SLC44A1: variants seen among roughly 807,000 people sequenced by gnomAD.
SLC44A1 encodes the protein choline transporter-like protein 1.
A neutral mutation model predicts 79.3 loss-of-function variants in SLC44A1; 26 were observed. That is an observed-to-expected ratio of 0.33 (90% CI 0.24 to 0.46). The LOEUF is 0.46. Ranked by LOEUF, SLC44A1 falls within the 20% of genes least tolerant of loss-of-function variation. The pLI is 1.00. For synonymous variants in SLC44A1, 263 were observed against 286.2 expected (o/e 0.92, Z 0.82); for missense variants, 688 against 798.1 (o/e 0.86, Z 1.66).
rs1826887216 is a variant in SLC44A1 at position 105,335,559 on chromosome 9, T to G, written c.270-4T>G. 3 of 1,607,378 alleles carry G rather than the reference T, an allele frequency of 1.9e-6. No homozygotes were observed. The African/African-American group carries it at 4.0e-5, about 22-fold the overall frequency. ...ATATCTCAGTTTTTTTCTCCATGCT[T>G]TAGGTATGTATTCTTTTTGGATCCA... On this transcript the variant is annotated splice_polypyrimidine_tract_variant and splice_region_variant and intron_variant, in intron 3 of 15. Coordinates refer to ENST00000374720, the MANE Select transcript of SLC44A1 (RefSeq NM_080546.5).
intron 13 of SLC44A1, among the ~76,000 whole-genome samples, chr9:105,379,925 A>T (rs1828410023): frequency 6.6e-6 from 1 of 152,224 alleles, no homozygotes; most frequent in Admixed American, 6.5e-5. Flanking sequence ...TTGGGTTAAT[A>T]AAAATTGAGA....
intron 3 of SLC44A1, among the ~76,000 whole-genome samples, chr9:105,324,101 A>G (rs1415213166): frequency 6.6e-6 from 1 of 151,940 alleles, no homozygotes; most frequent in Non-Finnish European, 1.5e-5. Flanking sequence ...TCCCGGATTC[A>G]CGCCATTCTC....
At chr9:105,416,834 T>G (rs16924584) in intron 15 of SLC44A1, among the ~76,000 whole-genome samples, 13,548 of 152,228 alleles carry the variant, frequency 0.089, 1,963 homozygotes, top group African/African-American at 0.31. Context: ...TTGTCCCACT[T>G]GACTATCCAT....
chr9:105,346,070 C>T (rs1440237463), intron 4 of SLC44A1, among the ~76,000 whole-genome samples: 1 of 149,654 alleles, frequency 6.7e-6, no homozygotes, highest in Non-Finnish European at 1.5e-5. Context: ...AAAAGAAAAA[C>T]AGTTGTAAAA....
chr9:105,396,412 C>T lies in SLC44A1; in HGVS notation c.*7356C>T. 1 of 985,366 alleles carries T rather than the reference C, an allele frequency of 1.0e-6. No homozygotes were observed. The highest frequency in any genetic ancestry group is 1.2e-6 in the Non-Finnish European group (1 of 829,912). 61.0% of individuals were successfully genotyped at this position (985,366 alleles called of 1,614,324 possible). A position where few individuals can be genotyped will look rare whatever the true frequency, so the allele number is the denominator to read the frequency against. On this transcript the variant is annotated 3_prime_UTR_variant, in exon 16 of 16. Transcript: ENST00000374720. ...TTCAAAAAACAACCAAAGACAAAAC[C>T]CTATCTTCTGAAGACCAAAGGTCCA...
chr9:105,374,834 G>A, intron 13 of SLC44A1, 99 bp downstream of exon 13: 1 of 889,964 alleles, frequency 1.1e-6, no homozygotes, highest in Middle Eastern at 2.4e-4. Context: ...AAAACTAAAA[G>A]TAATATATAG....
At chr9:105,434,108 C>T (rs1382042052) in intron 15 of SLC44A1, among the ~76,000 whole-genome samples, 1 of 152,014 alleles carries the variant, frequency 6.6e-6, no homozygotes, top group East Asian at 1.9e-4. Context: ...GAGGCCAAGG[C>T]GGACGGAACA....
chr9:105,386,391 A>G (rs1401721574), intron 15 of SLC44A1: 1 of 976,176 alleles, frequency 1.0e-6, no homozygotes, highest in Non-Finnish European at 1.2e-6. Context: ...ATTTTAAACA[A>G]TGTGTCCCCT....
intron 1 of SLC44A1, among the ~76,000 whole-genome samples, chr9:105,246,254 A>G (rs914917988): frequency 2.0e-5 from 3 of 152,168 alleles, no homozygotes; most frequent in Admixed American, 1.3e-4. Flanking sequence ...GTTTTAAATA[A>G]CCTGCATACT....
At chr9:105,296,654 A>T (rs1564421521) in intron 1 of SLC44A1, among the ~76,000 whole-genome samples, 1 of 152,130 alleles carries the variant, frequency 6.6e-6, no homozygotes, top group Non-Finnish European at 1.5e-5. Context: ...AATATCAAAC[A>T]TGTGTCCAAA....
chr9:105,305,843 CTTTTTTTTTTTTTTT>C (rs748755778), intron 2 of SLC44A1, among the ~76,000 whole-genome samples: 2 of 84,972 alleles, frequency 2.4e-5, no homozygotes, highest in African/African-American at 1.3e-4. Flanking sequence ...AAAGTGTGTC[CTTTTTTTTTTTTTTT>C]TTTTTTTTTA....
At chr9:105,328,226 T>A (rs1028251491) in intron 3 of SLC44A1, among the ~76,000 whole-genome samples, 1 of 152,104 alleles carries the variant, frequency 6.6e-6, no homozygotes, top group African/African-American at 2.4e-5. Context: ...ATTCTACTAG[T>A]GGTGGTGGTG....
rs901329156 is a variant in SLC44A1 at position 105,341,360 on chromosome 9, A to AAAT, written c.406+5676_406+5678dup. Among the ~76,000 whole-genome samples the AAAT allele has an allele frequency of 2.2e-4, 34 of 151,494 alleles. No homozygotes were observed. In the East Asian group the frequency reaches 2.7e-3, roughly 12 times the overall value. Reference sequence around the variant, plus strand: ...CAAAAAAAAAAAAAAAAGAAAAAGAAAATAATAATAATAATAAAAGAACTG... The same window carrying AAAT: ...CAAAAAAAAAAAAAAAAGAAAAAGAAAATAATAATAATAATAATAAAAGAACTG... On this transcript the variant is annotated intron_variant, in intron 4 of 15. Transcript: ENST00000374720.
At chr9:105,388,809 A>G (rs1255792761) in intron 15 of SLC44A1, among the ~76,000 whole-genome samples, 1 of 152,206 alleles carries the variant, frequency 6.6e-6, no homozygotes, top group Non-Finnish European at 1.5e-5. Flanking sequence ...CTGTAGGAAC[A>G]TGGGCCAGAG....
intron 1 of SLC44A1, among the ~76,000 whole-genome samples, chr9:105,285,276 G>A (rs1830447538): frequency 6.6e-6 from 1 of 152,096 alleles, no homozygotes; most frequent in Admixed American, 6.6e-5. Context: ...ATGGCTAGGA[G>A]GAAACAACAG....
At chr9:105,316,234 A>G (rs1414316188) in intron 3 of SLC44A1, among the ~76,000 whole-genome samples, 1 of 152,100 alleles carries the variant, frequency 6.6e-6, no homozygotes, top group Non-Finnish European at 1.5e-5. Context: ...TTGAAGAGAG[A>G]GGTGTAAGGG....
At chr9:105,426,309 T>A (rs1829322280) in intron 15 of SLC44A1, among the ~76,000 whole-genome samples, 1 of 152,210 alleles carries the variant, frequency 6.6e-6, no homozygotes, top group South Asian at 2.1e-4. Context: ...AAGGTTATAT[T>A]TTTTCAATGT....
rs1484800973 is a variant in SLC44A1 at position 105,244,882 on chromosome 9, G to A, written c.14G>A (p.Ser5Asn). 3.7e-5 allele frequency: 43 copies of A among 1,170,636 alleles called. 1 individual carries two copies. Among genetic ancestry groups the A allele is most frequent in the Non-Finnish European group, 4.0e-5 (38 of 950,082 alleles). 72.5% of individuals were successfully genotyped at this position (1,170,636 alleles called of 1,614,324 possible). Residue 5 changes from serine (S) to asparagine (N), a missense_variant, in exon 1 of 16, where the codon AGC becomes AAC. Coordinates refer to ENST00000374720, the MANE Select transcript of SLC44A1 (RefSeq NM_080546.5). ...TTCGGCCCCGCCATGGGCTGCTGCAGCTCCGCCTCCTCCGCCGCGCAGGTG... is the reference window on the plus strand; with the variant it reads ...TTCGGCCCCGCCATGGGCTGCTGCAACTCCGCCTCCTCCGCCGCGCAGGTG... Reference protein sequence around the residue: MGCCSSASSAAQSSK... With the variant: MGCCNSASSAAQSSK...
chr9:105,244,719 T>C lies in SLC44A1; in HGVS notation c.-150T>C. 3.0e-6 allele frequency: 1 copy of C among 330,216 alleles called. No homozygotes were observed. The highest frequency in any genetic ancestry group is 5.1e-6 in the Non-Finnish European group (1 of 194,880). The allele number at this position is 330,216 out of a possible 1,614,324, so 20.5% of individuals were successfully genotyped here. A position where few individuals can be genotyped will look rare whatever the true frequency, so the allele number is the denominator to read the frequency against. ...GCCTGCCTCTAGCCGCGCCGCCTCT[T>C]GAGTACCAGCCGCCGCTGCAGCCGC... On this transcript the variant is annotated 5_prime_UTR_variant, in exon 1 of 16. An upstream open reading frame in the 5' UTR loses its in-frame stop. Coordinates refer to ENST00000374720, the MANE Select transcript of SLC44A1 (RefSeq NM_080546.5).
Sources: allele counts gnomAD v4.1 joint callset (sites outside exome capture counted in the v4.1 genomes callset), GRCh38; gene constraint gnomAD v4.1.1; transcripts MANE v1.5; gene names NCBI Gene and HGNC (gene_info 2026-07-23, HGNC 2026-07-21).